The following AGK variants were observed in gnomAD, a reference collection of about 807,000 sequenced individuals.
The protein encoded by AGK is acylglycerol kinase, mitochondrial.
Under a neutral mutation model 66.4 loss-of-function variants are expected in AGK, and 52 were observed. That is an observed-to-expected ratio of 0.78 (90% confidence interval 0.63 to 0.99). The LOEUF (loss-of-function observed/expected upper bound fraction) is 0.99. AGK is among the 50% of genes least tolerant of loss of function. The probability of loss-of-function intolerance (pLI) is 0.00; values close to 1 mark genes in which losing one functional copy is unlikely to be tolerated. For synonymous variants in AGK, 182 were observed against 181.1 expected, an observed-to-expected ratio of 1.00 and a Z score of -0.04; for missense variants, 451 against 506.6, an observed-to-expected ratio of 0.89 and a Z score of 1.05.
intron 4 of AGK, among the ~76,000 whole-genome samples, chr7:141,600,975 C>T (rs1254283248): frequency 2.0e-5 from 3 of 152,102 alleles, no homozygotes; most frequent in Non-Finnish European, 4.4e-5. Context: ...TGGATAAGAG[C>T]TTATTGCATT....
intron 2 of AGK, among the ~76,000 whole-genome samples, chr7:141,575,158 G>A (rs1795706761): frequency 6.6e-6 from 1 of 152,196 alleles, no homozygotes; most frequent in Non-Finnish European, 1.5e-5. Context: ...TGGAACAGTG[G>A]ACAGCACTTT....
chr7:141,642,525 G>C (rs1433488863), intron 13 of AGK, among the ~76,000 whole-genome samples: 1 of 152,136 alleles, frequency 6.6e-6, no homozygotes, highest in Non-Finnish European at 1.5e-5. Flanking sequence ...ATACTGGAAA[G>C]CACAGGTATA....
chr7:141,611,262 C>A lies in AGK; in HGVS notation c.365C>A (p.Ala122Glu), dbSNP rs1414457707. 6.2e-7 allele frequency: 1 copy of A among 1,613,216 alleles called. No homozygotes were observed. Among genetic ancestry groups the A allele is most frequent in the African/African-American group, 1.3e-5 (1 of 74,976 alleles). Residue 122 changes from alanine to glutamate, a missense_variant, in exon 6 of 16, where the codon GCA becomes GAA. By Grantham distance (107) the Ala-to-Glu change is moderately radical (BLOSUM62 -1). Coordinates refer to ENST00000649286, the MANE Select transcript of AGK (RefSeq NM_018238.4). ...LMENTDVIIV[A>E]GGDGTLQEVV... ...GAAAACACGGATGTGATCATTGTTG[C>A]AGGAGGAGATGGGACACTGCAGGAG...
chr7:141,614,250 C>T (rs1224800102), intron 7 of AGK, 72 bp downstream of exon 7: 7 of 1,165,510 alleles, frequency 6.0e-6, no homozygotes, highest in African/African-American at 1.6e-5. Flanking sequence ...CTTTCTTTTA[C>T]TTTTTTTTTC....
intron 2 of AGK, among the ~76,000 whole-genome samples, chr7:141,580,214 A>G (rs1795851451): frequency 6.6e-6 from 1 of 151,926 alleles, no homozygotes; most frequent in South Asian, 2.1e-4. Context: ...CTTTTGCAAG[A>G]GTGAGGGCCC....
intron 5 of AGK, among the ~76,000 whole-genome samples, chr7:141,610,604 T>G (rs6943582): frequency 2.0e-5 from 3 of 152,254 alleles, no homozygotes; most frequent in African/African-American, 4.8e-5. Context: ...AACCTCCTTT[T>G]ATTTAGTGCA....
At chr7:141,565,498 A>C (rs181611631) in intron 2 of AGK, among the ~76,000 whole-genome samples, 1 of 152,170 alleles carries the variant, frequency 6.6e-6, no homozygotes, top group East Asian at 1.9e-4. Flanking sequence ...TAAAAATACA[A>C]AAGTTAGCTG....
chr7:141,573,313 C>G (rs573366004), intron 2 of AGK, among the ~76,000 whole-genome samples: 1 of 152,006 alleles, frequency 6.6e-6, no homozygotes, highest in East Asian at 1.9e-4. Context: ...TATTTCCTTT[C>G]TTTCAACTCT....
At chr7:141,614,118 T>C in intron 6 of AGK, 28 bp from the exon 7 acceptor site, 8 of 1,461,946 alleles carry the variant, frequency 5.5e-6, no homozygotes, top group Non-Finnish European at 7.6e-6. Flanking sequence ...ATATTATTTA[T>C]AACAATGTTT....
intron 2 of AGK, among the ~76,000 whole-genome samples, chr7:141,577,167 A>AAG (rs1795761263): frequency 6.6e-6 from 1 of 152,334 alleles, no homozygotes; most frequent in South Asian, 2.1e-4. Context: ...CCATGAAAGG[A>AAG]AGAGTAGCGG....
chr7:141,600,893 C>T (rs1796325894), intron 4 of AGK, among the ~76,000 whole-genome samples: 1 of 152,094 alleles, frequency 6.6e-6, no homozygotes, highest in Non-Finnish European at 1.5e-5. Context: ...AGCATTGTTG[C>T]CTGAATGGAA....
At position 141,641,394 on chromosome 7, in the gene AGK, G is replaced by C; in HGVS notation, c.873G>C (p.Gln291His). The C allele has an allele frequency of 6.2e-7, 1 of 1,610,772 alleles. No individual in the cohort carries two copies. Among genetic ancestry groups the C allele is most frequent in the Non-Finnish European group, 8.5e-7 (1 of 1,178,974 alleles). Residue 291 changes from glutamine to histidine, a missense_variant, in exon 12 of 16, where the codon CAG (glutamine) becomes CAC (histidine). Gln to His is a conservative substitution (Grantham distance 24). Transcript: ENST00000649286. ...TTGCGTCCTACTGGGCACAACCACA[G>C]GATGGTGAGCAATGTGGCGACTAAA... ...RRLASYWAQP[Q>H]DALSQEVSPE...
In AGK at chr7:141,621,735, T is replaced by C. The variant is rs1294275284; in HGVS notation, c.522T>C (p.His174=). Residue 174 remains histidine (H), a synonymous_variant, in exon 9 of 16, where the codon CAT becomes CAC. Transcript: ENST00000649286. ...LFAESGNKVQ[H]ITDATLAIVK... is the part of the protein sequence containing the mutation. ...ATCATTTCCTTTTCTCTTTTAGACA[T>C]ATTACTGATGCCACACTTGCCATTG... The C allele has an allele frequency of 1.2e-6, 2 of 1,611,812 alleles. No individual in the cohort carries two copies. Among genetic ancestry groups the C allele is most frequent in the African/African-American group, 1.3e-5 (1 of 74,842 alleles).
chr7:141,593,949 G>A (rs1796176199), intron 3 of AGK: 1 of 153,476 alleles, frequency 6.5e-6, no homozygotes, highest in African/African-American at 2.4e-5. Context: ...ATGGATGACA[G>A]TGAGAATAGA....
chr7:141,650,064 C>T (rs902785307), intron 14 of AGK, among the ~76,000 whole-genome samples: 8 of 152,236 alleles, frequency 5.3e-5, no homozygotes, highest in African/African-American at 1.9e-4. Flanking sequence ...TGCTCAGCTC[C>T]GCTTTTCTGT....
intron 2 of AGK, among the ~76,000 whole-genome samples, chr7:141,565,580 G>T (rs1235503275): frequency 6.6e-6 from 1 of 151,958 alleles, no homozygotes; most frequent in Non-Finnish European, 1.5e-5. Context: ...GGCGGAGGCT[G>T]CAGTGAGCTG....
chr7:141,635,791 A>T (rs551182502), intron 10 of AGK, among the ~76,000 whole-genome samples: 2 of 152,080 alleles, frequency 1.3e-5, no homozygotes, highest in East Asian at 3.9e-4. Context: ...TCTCTTTTTG[A>T]TTCCCCTTAC....
chr7:141,566,616 C>T (rs1795477083), intron 2 of AGK, among the ~76,000 whole-genome samples: 1 of 152,158 alleles, frequency 6.6e-6, no homozygotes, highest in Non-Finnish European at 1.5e-5. Flanking sequence ...TATTCTTAGA[C>T]AACCTAACTC....
chr7:141,615,613 G>A, intron 8 of AGK, 48 bp downstream of exon 8: 1 of 1,466,694 alleles, frequency 6.8e-7, no homozygotes, highest in Non-Finnish European at 9.5e-7. Context: ...AGCGAGACTG[G>A]GAATGAAAAA....
Sources: allele counts gnomAD v4.1 joint callset (sites outside exome capture counted in the v4.1 genomes callset), GRCh38; gene constraint gnomAD v4.1.1; transcripts MANE v1.5; gene names NCBI Gene and HGNC (gene_info 2026-07-23, HGNC 2026-07-21).